The following FHL5 variants were observed in gnomAD, a reference collection of about 807,000 sequenced individuals.
The protein encoded by FHL5 is four and a half LIM domains 5.
Under a neutral mutation model 32.0 loss-of-function variants are expected in FHL5, and 33 were observed. The ratio of observed to expected loss-of-function variants is 1.03; its 90% CI spans 0.78 to 1.38. FHL5 has a LOEUF of 1.38. Among genes scored for constraint, FHL5 ranks in the 40% most tolerant of loss-of-function variants. The pLI is 0.00. For synonymous variants in FHL5, 114 were observed against 113.6 expected (o/e 1.00, Z -0.02); for missense variants, 336 against 343.9 (o/e 0.98, Z 0.18).
intron 1 of FHL5, among the ~76,000 whole-genome samples, chr6:96,582,916 A>C (rs996819440): frequency 6.6e-6 from 1 of 152,174 alleles, no homozygotes; most frequent in East Asian, 1.9e-4. Context: ...CATCAAGCCA[A>C]GTACACCTAC....
upstream of FHL5, chr6:96,563,025 T>C (rs1341217802): frequency 6.6e-6 from 1 of 152,224 alleles, no homozygotes; most frequent in Non-Finnish European, 1.5e-5. Flanking sequence ...AGCCAGATAC[T>C]TCGAATGCTA....
intron 5 of FHL5, 88 bp from the exon 6 acceptor site, chr6:96,615,521 A>G (rs1562067517): frequency 1.8e-6 from 2 of 1,090,654 alleles, no homozygotes; most frequent in Non-Finnish European, 1.3e-6. Flanking sequence ...TCATAGCTCT[A>G]TCTCCAGTTC....
chr6:96,573,142 A>G (rs1157292345), intron 1 of FHL5, among the ~76,000 whole-genome samples: 1 of 152,174 alleles, frequency 6.6e-6, no homozygotes, highest in African/African-American at 2.4e-5. Context: ...TCATTTATTG[A>G]TCAGTTAGAT....
rs1771267152 is a variant in FHL5 at position 96,605,965 on chromosome 6, G to T, written c.398G>T (p.Cys133Phe). 5 of 1,614,088 alleles carry T rather than the reference G, an allele frequency of 3.1e-6. No homozygotes were observed. Among genetic ancestry groups the T allele is most frequent in the Non-Finnish European group, 4.2e-6 (5 of 1,179,984 alleles). Residue 133 changes from cysteine to phenylalanine, a missense_variant, in exon 4 of 6, where the codon TGC (cysteine) becomes TTC (phenylalanine). Cys to Phe is a radical substitution (Grantham distance 205). Coordinates refer to ENST00000450218, the MANE Select transcript of FHL5 (RefSeq NM_001322466.2). Reference protein sequence around the residue: ...WHETCFVCENCRQPIGTKPLI... With the variant: ...WHETCFVCENFRQPIGTKPLI... ...GAAACCTGTTTTGTGTGTGAGAATT[G>T]CCGACAACCTATAGGGACAAAGCCT...
intron 1 of FHL5, among the ~76,000 whole-genome samples, chr6:96,564,461 C>G (rs1770310799): frequency 6.6e-6 from 1 of 152,252 alleles, no homozygotes; most frequent in Non-Finnish European, 1.5e-5. Flanking sequence ...AAATCTGGGA[C>G]TGTTCTACCT....
intron 1 of FHL5, among the ~76,000 whole-genome samples, chr6:96,565,655 C>A (rs1354376327): frequency 6.6e-6 from 1 of 151,886 alleles, no homozygotes; most frequent in East Asian, 1.9e-4. Context: ...AAAAATATAC[C>A]TTTTTGTATT....
chr6:96,565,662 T>A (rs1408363269), intron 1 of FHL5, among the ~76,000 whole-genome samples: 1 of 152,136 alleles, frequency 6.6e-6, no homozygotes, highest in South Asian at 2.1e-4. Context: ...TACCTTTTTG[T>A]ATTTTTCCAA....
At chr6:96,578,250 A>G (rs1027677054) in intron 1 of FHL5, among the ~76,000 whole-genome samples, 9 of 151,972 alleles carry the variant, frequency 5.9e-5, no homozygotes, top group African/African-American at 2.2e-4. Flanking sequence ...TCTTATTCCA[A>G]TGATTGAGAT....
intron 1 of FHL5, among the ~76,000 whole-genome samples, chr6:96,591,875 G>T (rs193281830): frequency 6.6e-6 from 1 of 152,062 alleles, no homozygotes; most frequent in Non-Finnish European, 1.5e-5. Flanking sequence ...GATAGGTTCC[G>T]TGATGTCCCC....
chr6:96,592,330 C>T (rs891559815), intron 1 of FHL5, among the ~76,000 whole-genome samples: 8 of 152,180 alleles, frequency 5.3e-5, no homozygotes, highest in Non-Finnish European at 1.2e-4. Flanking sequence ...TGATACTTCT[C>T]CCATTTGCTT....
At chr6:96,571,725 G>C (rs1349024161) in intron 1 of FHL5, among the ~76,000 whole-genome samples, 1 of 152,136 alleles carries the variant, frequency 6.6e-6, no homozygotes, top group African/African-American at 2.4e-5. Context: ...AGGGAATAAG[G>C]AGTGCTCTGG....
At chr6:96,594,227 TTATATATATATATATA>T (rs1178680000) in intron 1 of FHL5, among the ~76,000 whole-genome samples, 5,024 of 66,880 alleles carry the variant, frequency 0.075, 214 homozygotes, top group East Asian at 0.21. Context: ...ATATTAGAAT[TTATATATATATATATA>T]TATATATATA....
intron 5 of FHL5, among the ~76,000 whole-genome samples, chr6:96,614,348 T>C (rs1271672364): frequency 6.6e-6 from 1 of 152,222 alleles, no homozygotes; most frequent in Non-Finnish European, 1.5e-5. Flanking sequence ...AGTACATAAT[T>C]AATTTACATT....
intron 1 of FHL5, among the ~76,000 whole-genome samples, chr6:96,597,125 A>G (rs1771051657): frequency 6.6e-6 from 1 of 152,070 alleles, no homozygotes; most frequent in Non-Finnish European, 1.5e-5. Flanking sequence ...TCAGAATTCC[A>G]AGACTTCATA....
chr6:96,583,129 CT>C (rs1463724916), intron 1 of FHL5, among the ~76,000 whole-genome samples: 1 of 152,084 alleles, frequency 6.6e-6, no homozygotes, highest in Non-Finnish European at 1.5e-5. Flanking sequence ...ACCCAATGCT[CT>C]TCTTGGTATT....
At chr6:96,590,633 G>C (rs897497732) in intron 1 of FHL5, among the ~76,000 whole-genome samples, 2 of 151,972 alleles carry the variant, frequency 1.3e-5, no homozygotes, top group African/African-American at 4.8e-5. Context: ...CCAGTATAAA[G>C]CTGAATAGAA....
Position 96,604,941 on chromosome 6 carries a change from G to C in FHL5, c.334+17G>C. ...TCATGCCTGGTAGGGTCTCAAGGGG[G>C]CTCCTGTCTCTAACTGAAGCTGTGA... On this transcript the variant is annotated intron_variant, in intron 3 of 5. Transcript: ENST00000450218. 6.4e-7 allele frequency: 1 copy of C among 1,568,294 alleles called. No individual in the cohort carries two copies. The highest frequency in any genetic ancestry group is 8.7e-7 in the Non-Finnish European group (1 of 1,154,656).
intron 1 of FHL5, among the ~76,000 whole-genome samples, chr6:96,566,120 T>A (rs779419655): frequency 6.6e-5 from 10 of 152,072 alleles, no homozygotes; most frequent in South Asian, 2.1e-4. Flanking sequence ...CTGTATTTTG[T>A]ATTTCTTAAC....
chr6:96,576,168 T>C (rs1337728919), intron 1 of FHL5, among the ~76,000 whole-genome samples: 4 of 152,124 alleles, frequency 2.6e-5, no homozygotes, highest in Non-Finnish European at 5.9e-5. Flanking sequence ...TTACCTGAAG[T>C]TTTCCAGAAA....
Sources: gnomAD v4.1 joint callset for allele counts (sites outside exome capture counted in the v4.1 genomes callset) on GRCh38, gnomAD v4.1.1 for gene constraint, MANE v1.5 for transcripts, NCBI Gene and HGNC (gene_info 2026-07-23, HGNC 2026-07-21) for gene names.